CBR4: variants seen among roughly 807,000 people sequenced by gnomAD.
The protein encoded by CBR4 is 3-oxoacyl-[acyl-carrier-protein] reductase.
Under a neutral mutation model 21.0 loss-of-function variants are expected in CBR4, and 22 were observed. The ratio of observed to expected loss-of-function variants is 1.05; its 90% CI spans 0.75 to 1.50. CBR4 has a LOEUF of 1.50. Among genes scored for constraint, CBR4 ranks in the 40% most tolerant of loss-of-function variants. The pLI, the probability that CBR4 is intolerant of heterozygous loss-of-function variation, is 0.00. For missense variants in CBR4, 302 were observed against 286.3 expected, an observed-to-expected ratio of 1.05 and a Z score of -0.40; for synonymous variants, 100 against 104.4, an observed-to-expected ratio of 0.96 and a Z score of 0.26.
intron 2 of CBR4, among the ~76,000 whole-genome samples, chr4:168,930,400 CTAAT>C (rs1762940800): frequency 6.6e-6 from 1 of 152,034 alleles, no homozygotes; most frequent in South Asian, 2.1e-4. Flanking sequence ...AGGAACAAAA[CTAAT>C]TAATTCATAC....
chr4:168,933,841 G>C (rs750492730), intron 2 of CBR4, among the ~76,000 whole-genome samples: 80 of 152,168 alleles, frequency 5.3e-4, no homozygotes, highest in Middle Eastern at 3.4e-3. Flanking sequence ...AATAAAACTG[G>C]AAATCAATAA....
At chr4:168,982,951 C>A (rs1764584727), downstream of CBR4, among the ~76,000 whole-genome samples, 1 of 151,992 alleles carries the variant, frequency 6.6e-6, no homozygotes, top group African/African-American at 2.4e-5. Context: ...CACTAAATGC[C>A]CACATACATC....
chr4:168,962,244 T>G (rs1042120827), intron 2 of CBR4, among the ~76,000 whole-genome samples: 2 of 152,102 alleles, frequency 1.3e-5, no homozygotes, highest in African/African-American at 4.8e-5. Flanking sequence ...AAGCGAAATA[T>G]TTTATGGAAA....
chr4:168,962,408 T>A (rs1763888982), intron 2 of CBR4, among the ~76,000 whole-genome samples: 1 of 152,228 alleles, frequency 6.6e-6, no homozygotes, highest in Admixed American at 6.5e-5. Flanking sequence ...TTAGAAGAAC[T>A]CAAGGTTGCT....
At chr4:168,957,488 C>T (rs1763720833) in intron 2 of CBR4, among the ~76,000 whole-genome samples, 1 of 152,156 alleles carries the variant, frequency 6.6e-6, no homozygotes, top group Non-Finnish European at 1.5e-5. Context: ...ACCAACTTAA[C>T]TGAGGTGTAA....
At chr4:168,928,066 C>G (rs1762778948) in intron 2 of CBR4, 1 of 195,592 alleles carries the variant, frequency 5.1e-6, no homozygotes, top group Admixed American at 6.1e-5. Context: ...ACCAACCAAC[C>G]AAGGTTTAAG....
chr4:168,932,048 C>T (rs536770193), intron 2 of CBR4, among the ~76,000 whole-genome samples: 1 of 152,044 alleles, frequency 6.6e-6, no homozygotes, highest in Admixed American at 6.6e-5. Context: ...AACAAGAAAC[C>T]ATGATACCTC....
intron 2 of CBR4, chr4:168,915,869 C>T (rs897491332): frequency 1.6e-5 from 26 of 1,594,092 alleles, no homozygotes; most frequent in Non-Finnish European, 2.2e-5. Flanking sequence ...ATATTTCTAT[C>T]TATCTGTCAT....
chr4:168,950,903 GC>G (rs903999210), intron 2 of CBR4, among the ~76,000 whole-genome samples: 5 of 152,196 alleles, frequency 3.3e-5, no homozygotes, highest in African/African-American at 1.2e-4. Context: ...CATAAGAATA[GC>G]TACCCCTGCT....
chr4:168,993,209 T>C (rs1262943033), intron 4 of CBR4, among the ~76,000 whole-genome samples: 1 of 145,392 alleles, frequency 6.9e-6, no homozygotes, highest in Non-Finnish European at 1.5e-5. Context: ...CACATGTATT[T>C]TCCTTTTTTT....
intron 4 of CBR4, among the ~76,000 whole-genome samples, chr4:168,991,228 T>A (rs959655893): frequency 6.6e-6 from 1 of 152,162 alleles, no homozygotes; most frequent in Admixed American, 6.5e-5. Context: ...TAAAACAAAA[T>A]TCCACTCTTT....
chr4:168,961,688 G>A (rs537292590), intron 2 of CBR4, among the ~76,000 whole-genome samples: 3 of 152,116 alleles, frequency 2.0e-5, no homozygotes, highest in Non-Finnish European at 2.9e-5. Flanking sequence ...TCAGGAGTTC[G>A]CGACCAGCCA....
intron 2 of CBR4, among the ~76,000 whole-genome samples, chr4:168,978,857 G>A (rs2126777295): frequency 6.6e-6 from 1 of 152,244 alleles, no homozygotes; most frequent in African/African-American, 2.4e-5. Context: ...AAGCCCACTG[G>A]CCTGGGATCC....
chr4:168,968,501 T>C (rs2126748682), intron 2 of CBR4, among the ~76,000 whole-genome samples: 1 of 152,350 alleles, frequency 6.6e-6, no homozygotes, highest in African/African-American at 2.4e-5. Flanking sequence ...TTCTCTTTCC[T>C]GTCAGGCAGG....
intron 2 of CBR4, among the ~76,000 whole-genome samples, chr4:168,978,719 C>A (rs1016716694): frequency 6.6e-6 from 1 of 152,186 alleles, no homozygotes; most frequent in Non-Finnish European, 1.5e-5. Flanking sequence ...CACTCCTGCA[C>A]CAGCAGCTGT....
chr4:168,912,504 A>G (rs527259709), intron 2 of CBR4, among the ~76,000 whole-genome samples: 1 of 152,214 alleles, frequency 6.6e-6, no homozygotes, highest in African/African-American at 2.4e-5. Context: ...CAAAGTAACA[A>G]TGTGTGGCTT....
At chr4:168,920,891 A>T (rs889307343) in intron 2 of CBR4, among the ~76,000 whole-genome samples, 11 of 152,140 alleles carry the variant, frequency 7.2e-5, no homozygotes, top group African/African-American at 2.7e-4. Context: ...TTATTGTTGG[A>T]CATCTTTTTT....
intron 2 of CBR4, among the ~76,000 whole-genome samples, chr4:168,967,972 A>T (rs1489796361): frequency 6.6e-6 from 1 of 152,156 alleles, no homozygotes; most frequent in Admixed American, 6.6e-5. Flanking sequence ...ACGGCCCTCA[A>T]CACTACCTGA....
chr4:168,914,326 A>G lies in CBR4; in HGVS notation n.170-19561T>C, dbSNP rs112698103. On this transcript the variant is annotated intron_variant and non_coding_transcript_variant, in intron 2 of 3. Coordinates refer to the CBR4 transcript ENST00000509108. ...CTTTTAAATGGCATATGAAAATACT[A>G]CTAAATGGTACACAAATGTTGGAAA... Among the ~76,000 whole-genome samples the G allele has an allele frequency of 9.3e-4, 141 of 152,356 alleles. 1 individual carries two copies. Among genetic ancestry groups the G allele is most frequent in the African/African-American group, 3.3e-3 (136 of 41,582 alleles).
Sources: gnomAD v4.1 joint callset for allele counts (sites outside exome capture counted in the v4.1 genomes callset) on GRCh38, gnomAD v4.1.1 for gene constraint, MANE v1.5 for transcripts, NCBI Gene and HGNC (gene_info 2026-07-23, HGNC 2026-07-21) for gene names.